The following PTPRD variants were observed in gnomAD, a reference collection of about 807,000 sequenced individuals.
PTPRD encodes protein tyrosine phosphatase receptor type D.
Under a neutral mutation model 214.5 loss-of-function variants are expected in PTPRD, and 34 were observed. The observed-to-expected ratio is 0.16, with a 90% CI of 0.12 to 0.21. The LOEUF (loss-of-function observed/expected upper bound fraction) is 0.21. PTPRD is among the 10% of genes least tolerant of loss of function. The pLI is 1.00. For missense variants in PTPRD, 2,545 were observed against 2,398.7 expected (o/e 1.06, Z -1.27); for synonymous variants, 1,128 against 845.7 (o/e 1.33, Z -5.79).
At chr9:9,170,053 C>A (rs141029555) in intron 10 of PTPRD, among the ~76,000 whole-genome samples, 1 of 152,254 alleles carries the variant, frequency 6.6e-6, no homozygotes, top group South Asian at 2.1e-4. Context: ...TTAAACTAGA[C>A]TAAGCCCATA....
In PTPRD at chr9:8,687,230, C is replaced by A. The variant is rs147374677; in HGVS notation, c.64+46550G>T. On this transcript the variant is annotated intron_variant, in intron 12 of 45. Coordinates refer to ENST00000381196, the MANE Select transcript of PTPRD (RefSeq NM_002839.4). ...ACATGGCAGAAATCAGAAAAAAAAACAAGCTTATCCTACATTTGGTTTCAA... is the reference window on the plus strand; with the variant it reads ...ACATGGCAGAAATCAGAAAAAAAAAAAAGCTTATCCTACATTTGGTTTCAA... 5.1e-4 allele frequency among the ~76,000 whole-genome samples: 77 copies of A among 151,898 alleles called. 1 individual carries two copies. The highest frequency in any genetic ancestry group is 1.7e-3 in the African/African-American group (71 of 41,412).
chr9:9,364,002 T>A (rs993511439), intron 9 of PTPRD, among the ~76,000 whole-genome samples: 1 of 151,426 alleles, frequency 6.6e-6, no homozygotes, highest in Non-Finnish European at 1.5e-5. Flanking sequence ...AGTTGAAGGC[T>A]AATACCACTT....
intron 3 of PTPRD, among the ~76,000 whole-genome samples, chr9:10,301,683 C>T (rs1487454244): frequency 1.3e-5 from 2 of 151,738 alleles, no homozygotes; most frequent in African/African-American, 2.4e-5. Context: ...GATTGAAGAT[C>T]AACTTAATGA....
intron 8 of PTPRD, among the ~76,000 whole-genome samples, chr9:9,457,150 G>C (rs1209745357): frequency 1.3e-5 from 2 of 151,860 alleles, no homozygotes; most frequent in African/African-American, 4.8e-5. Context: ...AGCAAAGGAA[G>C]ACAAAAGAGG....
At chr9:10,458,953 G>C (rs984370458) in intron 2 of PTPRD, among the ~76,000 whole-genome samples, 2 of 151,960 alleles carry the variant, frequency 1.3e-5, no homozygotes, top group Admixed American at 1.3e-4. Flanking sequence ...AGAACATGGA[G>C]GTTTGTTACA....
At chr9:8,446,962 C>A (rs746773575) in intron 34 of PTPRD, among the ~76,000 whole-genome samples, 13 of 152,178 alleles carry the variant, frequency 8.5e-5, no homozygotes, top group Non-Finnish European at 1.5e-4. Context: ...CAGGCTGAAG[C>A]AAATGGTCAC....
intron 39 of PTPRD, among the ~76,000 whole-genome samples, chr9:8,372,977 AG>A (rs1216543648): frequency 6.6e-6 from 1 of 152,022 alleles, no homozygotes; most frequent in East Asian, 1.9e-4. Context: ...ATAGAAAAAA[AG>A]TTTAGTACAT....
rs1295204568 is a variant in PTPRD, at chr9:8,341,187, TAAC to T, written c.5026_5028del (p.Val1676del). 1.9e-6 allele frequency: 3 copies of T among 1,613,040 alleles called. No individual in the cohort carries two copies. Among genetic ancestry groups the T allele is most frequent in the Non-Finnish European group, 1.7e-6 (2 of 1,179,480 alleles). The stretch of plus-strand genomic sequence containing the variant: ...CTTGTGGATTCATATGGCATAATAT[TAAC>T]AAGGCGATTTTTGAATTTATTACAT... On this transcript the variant is annotated inframe_deletion, in exon 41 of 46. Transcript: ENST00000381196.
intron 11 of PTPRD, among the ~76,000 whole-genome samples, chr9:8,858,993 A>G (rs2098033657): frequency 6.6e-6 from 1 of 152,222 alleles, no homozygotes; most frequent in African/African-American, 2.4e-5. Context: ...TCCCAGCGCA[A>G]AGGAGGAAAA....
intron 11 of PTPRD, among the ~76,000 whole-genome samples, chr9:8,839,484 C>G (rs2097514717): frequency 6.6e-6 from 1 of 152,148 alleles, no homozygotes. Context: ...ACCACCATCC[C>G]TGGCTAATTT....
At chr9:9,036,008 A>G (rs2099620529) in intron 10 of PTPRD, among the ~76,000 whole-genome samples, 1 of 152,136 alleles carries the variant, frequency 6.6e-6, no homozygotes, top group African/African-American at 2.4e-5. Context: ...ACCTATAAGC[A>G]TTCAACTAAT....
intron 11 of PTPRD, among the ~76,000 whole-genome samples, chr9:8,735,141 T>G (rs1449341601): frequency 1.4e-5 from 2 of 139,300 alleles, no homozygotes; most frequent in South Asian, 2.3e-4. Context: ...TTTTTTTGTT[T>G]TTTTTTTTCT....
At chr9:8,474,949 A>G (rs146097148) in intron 30 of PTPRD, among the ~76,000 whole-genome samples, 10 of 152,152 alleles carry the variant, frequency 6.6e-5, no homozygotes, top group South Asian at 4.2e-4. Context: ...TCTCTCTCAT[A>G]TATCTCAACT....
At chr9:9,677,967 C>T (rs1445733583) in intron 7 of PTPRD, among the ~76,000 whole-genome samples, 1 of 152,082 alleles carries the variant, frequency 6.6e-6, no homozygotes. Flanking sequence ...CTCCCATTCA[C>T]AATTGCTTCA....
rs542736318 is a variant in PTPRD, at chr9:8,959,753, A to G, written c.-104+58944T>C. 2.0e-4 allele frequency among the ~76,000 whole-genome samples: 30 copies of G among 152,196 alleles called. 1 individual carries two copies. Among genetic ancestry groups the G allele is most frequent in the African/African-American group, 7.2e-4 (30 of 41,540 alleles). On this transcript the variant is annotated intron_variant, in intron 11 of 45. Coordinates refer to ENST00000381196, the MANE Select transcript of PTPRD (RefSeq NM_002839.4). The stretch of plus-strand genomic sequence containing the variant: ...CTTATCAAATCCTCCACTAAGCCAG[A>G]TGGATAAAGTTTCATGATCTTGAAA...
intron 11 of PTPRD, among the ~76,000 whole-genome samples, chr9:8,834,965 G>A (rs1462522225): frequency 4.6e-5 from 7 of 152,148 alleles, no homozygotes; most frequent in Non-Finnish European, 7.4e-5. Flanking sequence ...CATGGCTGGT[G>A]CTTTTGCCTA....
chr9:8,970,543 T>C (rs1170700999), intron 11 of PTPRD, among the ~76,000 whole-genome samples: 3 of 151,678 alleles, frequency 2.0e-5, no homozygotes, highest in African/African-American at 7.3e-5. Context: ...TCATGAATTC[T>C]ATGAGACAGC....
intron 44 of PTPRD, among the ~76,000 whole-genome samples, chr9:8,327,002 T>G (rs1834549676): frequency 6.8e-6 from 1 of 146,776 alleles, no homozygotes; most frequent in Admixed American, 7.3e-5. Flanking sequence ...TTCATTGATT[T>G]TTTGAAGGGT....
At chr9:8,934,817 G>T (rs2098985491) in intron 11 of PTPRD, among the ~76,000 whole-genome samples, 1 of 151,446 alleles carries the variant, frequency 6.6e-6, no homozygotes, top group Admixed American at 6.6e-5. Flanking sequence ...CTCTGCATCT[G>T]TATGTTCAGC....
Sources: allele counts gnomAD v4.1 joint callset (sites outside exome capture counted in the v4.1 genomes callset), GRCh38; gene constraint gnomAD v4.1.1; transcripts MANE v1.5; gene names NCBI Gene and HGNC (gene_info 2026-07-23, HGNC 2026-07-21).